Variants in SLC14A2 observed in about 807,000 individuals in gnomAD.
The protein encoded by SLC14A2 is urea transporter 2.
In SLC14A2, 91 loss-of-function variants were observed where a neutral mutation model predicts 104.6. That is an observed-to-expected ratio of 0.87 (90% CI 0.73 to 1.04). The LOEUF (loss-of-function observed/expected upper bound fraction) is 1.04. Among genes scored for constraint, SLC14A2 ranks in the 50% least tolerant of loss-of-function variants. The pLI is 0.00. For synonymous variants in SLC14A2, 476 were observed against 466.4 expected, an observed-to-expected ratio of 1.02 and a Z score of -0.27; for missense variants, 1,189 against 1,156.0, an observed-to-expected ratio of 1.03 and a Z score of -0.41.
chr18:45,451,828 A>G (rs939111566), intron 1 of SLC14A2, among the ~76,000 whole-genome samples: 2 of 152,194 alleles, frequency 1.3e-5, no homozygotes, highest in African/African-American at 4.8e-5. Context: ...AACTATTCAA[A>G]AGACCAAGTA....
At chr18:45,605,540 G>C (rs2044854682) in intron 2 of SLC14A2, among the ~76,000 whole-genome samples, 1 of 152,202 alleles carries the variant, frequency 6.6e-6, no homozygotes, top group African/African-American at 2.4e-5. Context: ...GCGGTAAGAA[G>C]AATGGACTGT....
At chr18:45,616,645 G>A (rs1343561741) in intron 1 of SLC14A2, among the ~76,000 whole-genome samples, 1 of 152,212 alleles carries the variant, frequency 6.6e-6, no homozygotes. Flanking sequence ...GGCTTAAAGG[G>A]AGATAATGGG....
intron 1 of SLC14A2, among the ~76,000 whole-genome samples, chr18:45,333,880 T>A (rs996532814): frequency 5.9e-5 from 9 of 152,226 alleles, no homozygotes; most frequent in African/African-American, 2.2e-4. Context: ...TAATAATCTT[T>A]GGAATGTTTT....
intron 2 of SLC14A2, among the ~76,000 whole-genome samples, chr18:45,519,796 AG>A (rs1425477896): frequency 6.6e-6 from 1 of 152,178 alleles, no homozygotes; most frequent in African/African-American, 2.4e-5. Context: ...CATCCCCTGG[AG>A]CCTGTGGTTT....
At chr18:45,215,889 A>G (rs1484390508) in intron 1 of SLC14A2, among the ~76,000 whole-genome samples, 1 of 151,850 alleles carries the variant, frequency 6.6e-6, no homozygotes, top group Non-Finnish European at 1.5e-5. Context: ...GCTTTGGTGG[A>G]ATGAGAGGCA....
intron 1 of SLC14A2, among the ~76,000 whole-genome samples, chr18:45,399,373 A>G (rs1416713629): frequency 6.6e-6 from 1 of 152,204 alleles, no homozygotes; most frequent in African/African-American, 2.4e-5. Flanking sequence ...ACTTGAGCCC[A>G]CAGAAGGAAT....
chr18:45,411,533 C>T (rs1388903628), intron 1 of SLC14A2, among the ~76,000 whole-genome samples: 1 of 152,162 alleles, frequency 6.6e-6, no homozygotes, highest in African/African-American at 2.4e-5. Context: ...TCCCTCAAGC[C>T]ACCCAAAGTG....
At chr18:45,395,513 A>G (rs2086019576) in intron 1 of SLC14A2, among the ~76,000 whole-genome samples, 2 of 152,212 alleles carry the variant, frequency 1.3e-5, no homozygotes, top group Non-Finnish European at 2.9e-5. Context: ...TGTTCTGTAC[A>G]CAGACAAATT....
At chr18:45,677,016 A>G (rs1228381268) in intron 18 of SLC14A2, among the ~76,000 whole-genome samples, 1 of 152,196 alleles carries the variant, frequency 6.6e-6, no homozygotes, top group Non-Finnish European at 1.5e-5. Context: ...GTGGCCAGGC[A>G]TCCTGTTGCA....
rs34383146 is a variant in SLC14A2 at position 45,348,496 on chromosome 18, T to C, written c.-124-134737T>C. 2.4e-3 allele frequency among the ~76,000 whole-genome samples: 373 copies of C among 152,272 alleles called. No individual in the cohort carries two copies. The Middle Eastern group carries it at 0.027, about 11-fold the overall frequency. ...ATATTGCACCATATCAGTCCCCAGG[T>C]GACTTCTAGCTCAAATATCCTATGG... is the stretch of plus-strand genomic sequence containing the variant. On this transcript the variant is annotated intron_variant, in intron 1 of 20. Transcript: ENST00000586448.
At chr18:45,441,123 C>T (rs2086676139) in intron 1 of SLC14A2, among the ~76,000 whole-genome samples, 1 of 152,210 alleles carries the variant, frequency 6.6e-6, no homozygotes, top group Non-Finnish European at 1.5e-5. Flanking sequence ...CATGCCCTCT[C>T]TTTTTCCACT....
At chr18:45,197,986 T>C in the SLC14A2 span, among the ~76,000 whole-genome samples, 1 of 152,128 alleles carries the variant, frequency 6.6e-6, no homozygotes, top group African/African-American at 2.4e-5. Context: ...GTAGATAACA[T>C]ACAGACCAAG....
chr18:45,588,942 G>A (rs1038214594), intron 2 of SLC14A2, among the ~76,000 whole-genome samples: 1 of 145,918 alleles, frequency 6.9e-6, no homozygotes, highest in Admixed American at 7.0e-5. Flanking sequence ...TGTTTAGATT[G>A]TGGTTGTCTT....
intron 1 of SLC14A2, among the ~76,000 whole-genome samples, chr18:45,243,810 T>A (rs922336525): frequency 1.3e-5 from 2 of 152,164 alleles, no homozygotes; most frequent in African/African-American, 4.8e-5. Context: ...GAATATACGT[T>A]CATTAATTGT....
At chr18:45,424,443 G>A (rs968479799) in intron 1 of SLC14A2, among the ~76,000 whole-genome samples, 3 of 152,214 alleles carry the variant, frequency 2.0e-5, no homozygotes, top group Admixed American at 6.5e-5. Context: ...AAGCTAATGG[G>A]AAACACATGG....
upstream of SLC14A2, chr18:45,615,377 T>C (rs565533549): frequency 1.3e-5 from 2 of 152,320 alleles, no homozygotes; most frequent in East Asian, 3.9e-4. Flanking sequence ...GCAAGGTGAC[T>C]GGATCATGGG....
intron 1 of SLC14A2, among the ~76,000 whole-genome samples, chr18:45,386,844 T>A (rs2085902335): frequency 6.6e-6 from 1 of 152,210 alleles, no homozygotes; most frequent in South Asian, 2.1e-4. Context: ...AGGGCTGTTG[T>A]GAAGATGATG....
chr18:45,414,737 C>G (rs1222713593), intron 1 of SLC14A2, among the ~76,000 whole-genome samples: 2 of 83,868 alleles, frequency 2.4e-5, no homozygotes, highest in Admixed American at 1.7e-4. Flanking sequence ...GTGCAAGGCA[C>G]CGAGCGTAAA....
chr18:45,250,154 T>C (rs1196676701), intron 1 of SLC14A2, among the ~76,000 whole-genome samples: 2 of 152,176 alleles, frequency 1.3e-5, no homozygotes, highest in Non-Finnish European at 2.9e-5. Context: ...ACTGAAAATA[T>C]GGTCACTTTA....
Sources: allele counts gnomAD v4.1 joint callset (sites outside exome capture counted in the v4.1 genomes callset), GRCh38; gene constraint gnomAD v4.1.1; transcripts MANE v1.5; gene names NCBI Gene and HGNC (gene_info 2026-07-23, HGNC 2026-07-21).